OCA2: variants seen among roughly 807,000 people sequenced by gnomAD.
OCA2 encodes OCA2 melanosomal transmembrane protein.
Under a neutral mutation model 100.2 loss-of-function variants are expected in OCA2, and 77 were observed. The ratio of observed to expected loss-of-function variants is 0.77; its 90% confidence interval spans 0.64 to 0.93. OCA2 has a LOEUF of 0.93. Among genes scored for constraint, OCA2 ranks in the 40% least tolerant of loss-of-function variants. The pLI is 0.00. For synonymous variants in OCA2, 432 were observed against 439.2 expected (o/e 0.98, Z 0.21); for missense variants, 1,062 against 1,089.1 (o/e 0.98, Z 0.35).
chr15:28,015,161 C>G (rs1306653742), intron 8 of OCA2, among the ~76,000 whole-genome samples: 1 of 152,144 alleles, frequency 6.6e-6, no homozygotes, highest in South Asian at 2.1e-4. Context: ...TGTGACACCA[C>G]CCGACAATGA....
intron 23 of OCA2, chr15:27,775,749 T>C (rs11636948): frequency 0.48 from 73,673 of 152,252 alleles, 18,626 homozygotes; most frequent in East Asian, 0.59. Flanking sequence ...TGAGGCCTCG[T>C]TCCTTGGCCG....
chr15:27,866,202 G>A (rs767380891), intron 21 of OCA2, among the ~76,000 whole-genome samples: 1 of 152,192 alleles, frequency 6.6e-6, no homozygotes, highest in Non-Finnish European at 1.5e-5. Flanking sequence ...GGTTGGTGTG[G>A]CTGGCTCCCA....
intron 19 of OCA2, among the ~76,000 whole-genome samples, chr15:27,910,679 T>A (rs1017015881): frequency 8.7e-5 from 13 of 148,956 alleles, no homozygotes; most frequent in African/African-American, 2.5e-4. Context: ...AACATACGGC[T>A]GGGTGTGGTG....
intron 23 of OCA2, among the ~76,000 whole-genome samples, chr15:27,788,468 T>C (rs2032924843): frequency 6.6e-6 from 1 of 152,098 alleles, no homozygotes; most frequent in Non-Finnish European, 1.5e-5. Flanking sequence ...TCTCTAGTAG[T>C]ATTTTCTGTC....
chr15:27,851,225 G>A (rs531489475), intron 22 of OCA2, among the ~76,000 whole-genome samples, 157 bp downstream of exon 22: 10 of 152,320 alleles, frequency 6.6e-5, no homozygotes, highest in Non-Finnish European at 1.2e-4. Context: ...GAGTTGCTCT[G>A]GAATTGCTCT....
intron 21 of OCA2, among the ~76,000 whole-genome samples, chr15:27,852,116 G>C (rs1042168087): frequency 6.6e-6 from 1 of 152,166 alleles, no homozygotes; most frequent in Non-Finnish European, 1.5e-5. Flanking sequence ...GCCAGCCTCT[G>C]GTGCACCTTT....
intron 19 of OCA2, among the ~76,000 whole-genome samples, chr15:27,920,395 T>C (rs904553546): frequency 3.3e-5 from 5 of 152,196 alleles, no homozygotes; most frequent in Admixed American, 6.5e-5. Flanking sequence ...CATTTTATTA[T>C]GATTTCATAT....
chr15:28,020,032 C>T lies in OCA2; in HGVS notation c.647-1475G>A, dbSNP rs533604898. The stretch of plus-strand genomic sequence containing the variant: ...GGAGGACGCAGCACCCGTCTTCCCC[C>T]CTGCGGCCTTCATCTCTCCCAGGCT... On this transcript the variant is annotated intron_variant, in intron 6 of 23. Transcript: ENST00000354638. Among the ~76,000 whole-genome samples, 97 of 152,322 alleles carry T rather than the reference C, an allele frequency of 6.4e-4. 1 individual carries two copies. Among genetic ancestry groups the T allele is most frequent in the African/African-American group, 2.2e-3 (92 of 41,568 alleles).
At chr15:28,016,245 T>C (rs2141241851) in intron 7 of OCA2, 59 bp from the exon 8 acceptor site, 1 of 1,268,872 alleles carries the variant, frequency 7.9e-7, no homozygotes, top group Middle Eastern at 1.9e-4. Flanking sequence ...CCATCTGGGA[T>C]CTGGCACTGC....
intron 21 of OCA2, among the ~76,000 whole-genome samples, chr15:27,858,658 C>A (rs2036027090): frequency 6.6e-6 from 1 of 151,760 alleles, no homozygotes; most frequent in African/African-American, 2.4e-5. Flanking sequence ...GAAGATACAA[C>A]AATTATAAAT....
the OCA2 span, among the ~76,000 whole-genome samples, chr15:27,720,146 A>C: frequency 6.6e-6 from 1 of 152,138 alleles, no homozygotes; most frequent in African/African-American, 2.4e-5. Context: ...AAACATTCAA[A>C]CCATAGTGCA....
intron 11 of OCA2, among the ~76,000 whole-genome samples, chr15:27,987,900 A>G (rs1279677700): frequency 1.3e-5 from 2 of 152,180 alleles, no homozygotes; most frequent in African/African-American, 4.8e-5. Context: ...TGTCTCTCAA[A>G]TAAACTATAG....
chr15:27,945,864 G>A lies in OCA2; in HGVS notation c.1951+5920C>T, dbSNP rs545876621. ...AGCTCATCAAGGCTCTGAATTTTAA[G>A]GCCAAAGATAACATTTTCAAGCCTG... is the stretch of plus-strand genomic sequence containing the variant. On this transcript the variant is annotated intron_variant, in intron 18 of 23. Coordinates refer to ENST00000354638, the MANE Select transcript of OCA2 (RefSeq NM_000275.3). Among the ~76,000 whole-genome samples the A allele has an allele frequency of 5.3e-5, 8 of 152,254 alleles. No homozygotes were observed. The South Asian group carries it at 6.2e-4, about 12-fold the overall frequency.
intron 14 of OCA2, among the ~76,000 whole-genome samples, chr15:27,975,526 A>C (rs2040938083): frequency 6.6e-6 from 1 of 152,214 alleles, no homozygotes; most frequent in Admixed American, 6.5e-5. Context: ...GTTCCAGGAC[A>C]ATTTGTGGAA....
rs923554787 is a variant in OCA2, at chr15:27,775,098, G to C, written c.2433-19626C>G. Among the ~76,000 whole-genome samples the C allele has an allele frequency of 2.5e-3, 369 of 147,556 alleles. 3 individuals are homozygous for C. The highest frequency in any genetic ancestry group is 8.7e-3 in the African/African-American group (339 of 38,894). The stretch of plus-strand genomic sequence containing the variant: ...TGTGTGTGTGTGTGTGTGTGTGTGT[G>C]TGTGTCTGTGTGTTTGTTAATAAGA... On this transcript the variant is annotated intron_variant, in intron 23 of 23. Coordinates refer to ENST00000354638, the MANE Select transcript of OCA2 (RefSeq NM_000275.3).
chr15:27,963,230 A>C (rs1019577699), intron 15 of OCA2, among the ~76,000 whole-genome samples: 2 of 152,176 alleles, frequency 1.3e-5, no homozygotes, highest in Non-Finnish European at 2.9e-5. Flanking sequence ...AGTAGATAGA[A>C]AATCAGCAAG....
chr15:27,831,284 C>CAAAAAAAAAAA (rs71132824), intron 23 of OCA2, among the ~76,000 whole-genome samples: 12,477 of 62,046 alleles, frequency 0.2, 3,043 homozygotes, highest in Middle Eastern at 0.33. Context: ...GACTCCGTCT[C>CAAAAAAAAAAA]AAAAAAAAAA....
At chr15:27,982,371 G>A (rs919918872) in intron 14 of OCA2, among the ~76,000 whole-genome samples, 1 of 152,168 alleles carries the variant, frequency 6.6e-6, no homozygotes, top group Admixed American at 6.5e-5. Flanking sequence ...CCATGAGCAT[G>A]AGCTCCATCC....
chr15:27,872,984 C>T (rs1045525940), intron 19 of OCA2, among the ~76,000 whole-genome samples: 5 of 152,208 alleles, frequency 3.3e-5, no homozygotes, highest in African/African-American at 7.2e-5. Context: ...GCCAACGTGC[C>T]GGCCAGCTTG....
Sources: allele counts gnomAD v4.1 joint callset (sites outside exome capture counted in the v4.1 genomes callset), GRCh38; gene constraint gnomAD v4.1.1; transcripts MANE v1.5; gene names NCBI Gene and HGNC (gene_info 2026-07-23, HGNC 2026-07-21).